The following GRIP1 variants were observed in gnomAD, a reference collection of about 807,000 sequenced individuals.
GRIP1 encodes glutamate receptor-interacting protein 1.
Under a neutral mutation model 129.9 loss-of-function variants are expected in GRIP1, and 45 were observed. That is an observed-to-expected ratio of 0.35 (90% confidence interval 0.27 to 0.44). GRIP1 has a LOEUF of 0.44. GRIP1 is among the 20% of genes least tolerant of loss of function. GRIP1 has a pLI of 1.00. For missense variants in GRIP1, 1,196 were observed against 1,396.8 expected, an observed-to-expected ratio of 0.86 and a Z score of 2.29; for synonymous variants, 530 against 520.8, an observed-to-expected ratio of 1.02 and a Z score of -0.24.
At chr12:66,870,951 A>G (rs1738625140) in intron 1 of GRIP1, among the ~76,000 whole-genome samples, 1 of 152,140 alleles carries the variant, frequency 6.6e-6, no homozygotes, top group South Asian at 2.1e-4. Context: ...GTAGTTGAGA[A>G]TGTGAGATTT....
At chr12:66,435,843 C>A (rs1456693781) in intron 13 of GRIP1, among the ~76,000 whole-genome samples, 4 of 152,208 alleles carry the variant, frequency 2.6e-5, no homozygotes, top group Admixed American at 2.6e-4. Flanking sequence ...TAATGATGAA[C>A]AAATATCAAC....
intron 1 of GRIP1, among the ~76,000 whole-genome samples, chr12:66,956,350 T>C (rs2137514475): frequency 6.6e-6 from 1 of 152,298 alleles, no homozygotes; most frequent in Middle Eastern, 3.4e-3. Flanking sequence ...CTTTGGAGTG[T>C]GGTGAGGTAA....
At chr12:66,723,856 G>A (rs182239965) in intron 1 of GRIP1, among the ~76,000 whole-genome samples, 7 of 152,142 alleles carry the variant, frequency 4.6e-5, no homozygotes, top group African/African-American at 1.4e-4. Flanking sequence ...GTGAACACAC[G>A]CCTGATGAAC....
In GRIP1 at chr12:66,392,856, C is replaced by T. The variant is rs1212919460; in HGVS notation, c.2130-40G>A. On this transcript the variant is annotated intron_variant, in intron 17 of 24. Coordinates refer to ENST00000359742, the MANE Select transcript of GRIP1 (RefSeq NM_001366722.1). ...AGTAATAGGAGAGGTAGAAATAATC[C>T]CTGTATGGTACTGAATATAAATTCC... is the stretch of plus-strand genomic sequence containing the variant. The T allele has an allele frequency of 5.1e-6, 8 of 1,572,628 alleles. No individual in the cohort carries two copies. The African/African-American group carries it at 6.7e-5, about 13-fold the overall frequency.
At chr12:66,875,956 ATTTAG>A (rs568763566) in intron 1 of GRIP1, among the ~76,000 whole-genome samples, 68 of 152,218 alleles carry the variant, frequency 4.5e-4, no homozygotes, top group African/African-American at 1.6e-3. Flanking sequence ...GTACAATTAA[ATTTAG>A]TTATTTATCC....
At chr12:66,733,159 T>C (rs536611904) in intron 1 of GRIP1, among the ~76,000 whole-genome samples, 7 of 152,312 alleles carry the variant, frequency 4.6e-5, no homozygotes, top group Non-Finnish European at 1.0e-4. Context: ...ATTATTTATA[T>C]GCTGAATAAA....
chr12:66,479,953 A>C (rs1260901780), intron 7 of GRIP1, among the ~76,000 whole-genome samples: 1 of 152,190 alleles, frequency 6.6e-6, no homozygotes, highest in African/African-American at 2.4e-5. Flanking sequence ...ACAAACCCAC[A>C]GCCAATATTA....
intron 1 of GRIP1, among the ~76,000 whole-genome samples, chr12:66,899,063 G>A (rs986886647): frequency 1.1e-4 from 17 of 152,078 alleles, no homozygotes; most frequent in South Asian, 1.0e-3. Flanking sequence ...TATCCCTAGC[G>A]CTTCTCTTTG....
intron 1 of GRIP1, among the ~76,000 whole-genome samples, chr12:66,979,248 A>AC (rs2042206416): frequency 1.4e-5 from 2 of 147,696 alleles, no homozygotes; most frequent in Non-Finnish European, 3.0e-5. Context: ...AAAAAAAAAA[A>AC]AAAAAACAAG....
chr12:66,745,647 A>G (rs919474339), intron 1 of GRIP1, among the ~76,000 whole-genome samples: 5 of 152,202 alleles, frequency 3.3e-5, no homozygotes, highest in Non-Finnish European at 7.3e-5. Flanking sequence ...AAGTAGAAGT[A>G]AACTTAGAGG....
At chr12:66,396,398 G>C (rs1592760624) in intron 16 of GRIP1, among the ~76,000 whole-genome samples, 1 of 152,124 alleles carries the variant, frequency 6.6e-6, no homozygotes, top group East Asian at 1.9e-4. Flanking sequence ...AGGGGAGTTG[G>C]GGGTAGTCCC....
chr12:67,009,585 C>T (rs1177374879), intron 1 of GRIP1, among the ~76,000 whole-genome samples: 1 of 152,014 alleles, frequency 6.6e-6, no homozygotes, highest in East Asian at 1.9e-4. Context: ...TATAATTGGC[C>T]CCAAAATGGT....
intron 1 of GRIP1, among the ~76,000 whole-genome samples, chr12:66,727,426 A>C (rs1245609715): frequency 1.3e-5 from 2 of 152,212 alleles, no homozygotes; most frequent in Admixed American, 1.3e-4. Flanking sequence ...GCCAGCAGCC[A>C]GTGGAGGAAT....
chr12:66,458,019 C>T (rs185129700), intron 9 of GRIP1, among the ~76,000 whole-genome samples: 3 of 152,298 alleles, frequency 2.0e-5, no homozygotes, highest in East Asian at 1.9e-4. Context: ...TTTCCATTTA[C>T]GTGCCAACAA....
intron 4 of GRIP1, among the ~76,000 whole-genome samples, chr12:66,532,794 C>A (rs1565835202): frequency 6.6e-6 from 1 of 152,030 alleles, no homozygotes; most frequent in Non-Finnish European, 1.5e-5. Flanking sequence ...ACCACCACCA[C>A]CACCATCATC....
chr12:66,652,779 C>T (rs1008893854), intron 1 of GRIP1, among the ~76,000 whole-genome samples: 7 of 152,172 alleles, frequency 4.6e-5, no homozygotes, highest in Non-Finnish European at 7.4e-5. Flanking sequence ...AACAAGAAGT[C>T]TGGTCTGGCC....
At chr12:66,753,161 G>A (rs1414504797) in intron 1 of GRIP1, among the ~76,000 whole-genome samples, 2 of 151,918 alleles carry the variant, frequency 1.3e-5, no homozygotes, top group African/African-American at 4.8e-5. Context: ...ATGGCTATCC[G>A]ACCCCATTTC....
At chr12:66,858,755 A>C (rs1002682306) in intron 1 of GRIP1, among the ~76,000 whole-genome samples, 1 of 151,976 alleles carries the variant, frequency 6.6e-6, no homozygotes, top group Admixed American at 6.6e-5. Context: ...GTGAAGCAAA[A>C]TTAAGAAATA....
chr12:66,833,493 C>T (rs1464379763), intron 1 of GRIP1, among the ~76,000 whole-genome samples: 1 of 152,134 alleles, frequency 6.6e-6, no homozygotes, highest in African/African-American at 2.4e-5. Context: ...CTCATGGGGT[C>T]TGCCTTTCTC....
Sources: allele counts gnomAD v4.1 joint callset (sites outside exome capture counted in the v4.1 genomes callset), GRCh38; gene constraint gnomAD v4.1.1; transcripts MANE v1.5; gene names NCBI Gene and HGNC (gene_info 2026-07-23, HGNC 2026-07-21).